Variants in AMZ2 observed in about 807,000 individuals in gnomAD.
AMZ2 encodes archaelysin family metallopeptidase 2.
Under a neutral mutation model 36.7 loss-of-function variants are expected in AMZ2, and 26 were observed. The ratio of observed to expected loss-of-function variants is 0.71; its 90% CI spans 0.52 to 0.98. The LOEUF is 0.98. AMZ2 is among the 50% of genes least tolerant of loss of function. The pLI, the probability that AMZ2 is intolerant of heterozygous loss-of-function variation, is 0.00. For synonymous variants in AMZ2, 144 were observed against 149.1 expected (o/e 0.97, Z 0.25); for missense variants, 394 against 430.5 (o/e 0.92, Z 0.75).
Position 68,248,245 on chromosome 17 carries a change from G to T in AMZ2, c.-461G>T, listed in dbSNP as rs1288630250. On this transcript the variant is annotated 5_prime_UTR_variant, in exon 1 of 7. Transcript: ENST00000359904. ...AGGAGGGGCGGACGTGGCGGAAGCCGCGGGGTCCGCGGGGTCGGTGCCTCT... is the reference window on the plus strand; with the variant it reads ...AGGAGGGGCGGACGTGGCGGAAGCCTCGGGGTCCGCGGGGTCGGTGCCTCT... The T allele has an allele frequency of 1.1e-4, 107 of 985,794 alleles. No individual in the cohort carries two copies. Among genetic ancestry groups the T allele is most frequent in the Admixed American group, 1.8e-4 (3 of 16,276 alleles). The allele number at this position is 985,794 out of a possible 1,614,324, so 61.1% of individuals were successfully genotyped here.
intron 1 of AMZ2, among the ~76,000 whole-genome samples, chr17:68,230,920 T>C (rs1370428767): frequency 6.6e-6 from 1 of 152,232 alleles, no homozygotes; most frequent in Non-Finnish European, 1.5e-5. Flanking sequence ...GTTATGCTCA[T>C]TTTTTATTGA....
At chr17:68,206,287 C>G (rs2072826786) in intron 1 of AMZ2, 29 of 1,281,468 alleles carry the variant, frequency 2.3e-5, no homozygotes, top group Non-Finnish European at 2.8e-5. Flanking sequence ...CCTCCTCTGC[C>G]CTCCCCCCTT....
In AMZ2 at chr17:68,254,547, T is replaced by G; in HGVS notation, c.730T>G (p.Leu244Val). Reference sequence around the variant, plus strand: ...TTATATTCCAGAAATAACTAGTGTTTTACTACTTCGATCCTGTAAGGTAAG... The same window carrying G: ...TTATATTCCAGAAATAACTAGTGTTGTACTACTTCGATCCTGTAAGGTAAG... ...NYYIPEITSV[L>V]LLRSCKTLTH... Residue 244 changes from leucine (L) to valine (V), a missense_variant, in exon 5 of 7, where the codon TTA becomes GTA. Leu to Val is a conservative substitution (Grantham distance 32). Coordinates refer to ENST00000359904, the MANE Select transcript of AMZ2 (RefSeq NM_016627.5). 6.2e-7 allele frequency: 1 copy of G among 1,612,168 alleles called. No individual in the cohort carries two copies. The highest frequency in any genetic ancestry group is 1.3e-5 in the African/African-American group (1 of 74,966).
intron 1 of AMZ2, among the ~76,000 whole-genome samples, chr17:68,210,948 CA>C (rs1359872021): frequency 2.4e-4 from 16 of 67,974 alleles, no homozygotes; most frequent in African/African-American, 6.6e-4. Flanking sequence ...GACCCTGTCT[CA>C]AAAAAAAAGG....
intron 5 of AMZ2, among the ~76,000 whole-genome samples, chr17:68,255,092 CTG>C: frequency 6.6e-6 from 1 of 152,274 alleles, no homozygotes; most frequent in East Asian, 1.9e-4. Context: ...CTGCTTTTAC[CTG>C]TACTATTTGT....
chr17:68,234,889 C>T (rs1599353284), intron 1 of AMZ2, among the ~76,000 whole-genome samples: 1 of 151,902 alleles, frequency 6.6e-6, no homozygotes, highest in Admixed American at 6.6e-5. Flanking sequence ...GCGGCGGGTG[C>T]CTGTAATCCC....
chr17:68,250,981 C>CTT lies in AMZ2; in HGVS notation c.457+16_457+17dup, dbSNP rs2074416039. The CTT allele has an allele frequency of 3.1e-6, 5 of 1,611,606 alleles. No homozygotes were observed. The highest frequency in any genetic ancestry group is 4.2e-6 in the Non-Finnish European group (5 of 1,179,416). On this transcript the variant is annotated intron_variant, in intron 3 of 6. Coordinates refer to ENST00000359904, the MANE Select transcript of AMZ2 (RefSeq NM_016627.5). ...AAATTCATGCAGGTGAATTACACGA[C>CTT]TTTGCAATTCGAACTGAGTATATGT... is the stretch of plus-strand genomic sequence containing the variant.
At chr17:68,222,882 A>G (rs1555728933) in intron 1 of AMZ2, among the ~76,000 whole-genome samples, 1 of 152,172 alleles carries the variant, frequency 6.6e-6, no homozygotes, top group Non-Finnish European at 1.5e-5. Flanking sequence ...CTATGGACCA[A>G]TACGGGTCTG....
At chr17:68,218,919 T>A (rs142078079) in intron 1 of AMZ2, among the ~76,000 whole-genome samples, 40 of 152,352 alleles carry the variant, frequency 2.6e-4, no homozygotes, top group African/African-American at 7.7e-4. Context: ...TACAAGCCAG[T>A]GTCATCTCGA....
In AMZ2 at chr17:68,255,768, A is replaced by G. The variant is rs1599446095; in HGVS notation, c.819A>G (p.Gln273=). 4 of 1,614,220 alleles carry G rather than the reference A, an allele frequency of 2.5e-6. No individual in the cohort carries two copies. Among genetic ancestry groups the G allele is most frequent in the Non-Finnish European group, 2.5e-6 (3 of 1,180,032 alleles). Residue 273 remains glutamine (Q), a synonymous_variant, in exon 6 of 7, where the codon CAA becomes CAG. Coordinates refer to ENST00000359904, the MANE Select transcript of AMZ2 (RefSeq NM_016627.5). ...RHCQWLACLM[Q]GSNHLEEADR... ...GCCAGTGGCTTGCATGCCTCATGCA[A>G]GGCTCCAACCACTTGGAAGAAGCTG...
At chr17:68,248,003 TGGCGTAAGG>T (rs1178379098), upstream of AMZ2, 15 of 985,664 alleles carry the variant, frequency 1.5e-5, no homozygotes, top group Non-Finnish European at 1.8e-5. Context: ...GCGCGGCGCG[TGGCGTAAGG>T]GGCGTGGCGC....
chr17:68,218,320 C>A (rs1555727801), intron 1 of AMZ2, among the ~76,000 whole-genome samples: 2 of 151,926 alleles, frequency 1.3e-5, no homozygotes, highest in Non-Finnish European at 2.9e-5. Flanking sequence ...CTGTCACTGT[C>A]CATTCTAAAT....
chr17:68,229,786 C>T (rs1245216466), intron 1 of AMZ2, among the ~76,000 whole-genome samples: 13 of 152,224 alleles, frequency 8.5e-5, no homozygotes, highest in African/African-American at 3.1e-4. Context: ...CTTCACCACC[C>T]CCATGTCAGG....
In AMZ2 at chr17:68,257,125, A is replaced by G. The variant is rs2074966301; in HGVS notation, c.*156A>G. 8 of 668,406 alleles carry G rather than the reference A, an allele frequency of 1.2e-5. No individual in the cohort carries two copies. Among genetic ancestry groups the G allele is most frequent in the Non-Finnish European group, 1.7e-5 (7 of 423,820 alleles). 41.4% of individuals were successfully genotyped at this position (668,406 alleles called of 1,614,324 possible). ...AAGTACCTGAATTGAAATGAAACTC[A>G]TTTTGAATAATAAAAACTCTAGAAA... On this transcript the variant is annotated 3_prime_UTR_variant, in exon 7 of 7. Transcript: ENST00000359904.
intron 1 of AMZ2, among the ~76,000 whole-genome samples, chr17:68,226,990 G>A (rs1301014256): frequency 1.8e-4 from 27 of 150,126 alleles, no homozygotes; most frequent in African/African-American, 5.7e-4. Context: ...GGCTGAGTTG[G>A]GATTTTGAAC....
intron 1 of AMZ2, among the ~76,000 whole-genome samples, chr17:68,219,190 C>T (rs1371491246): frequency 5.3e-5 from 8 of 152,170 alleles, no homozygotes; most frequent in Non-Finnish European, 1.0e-4. Flanking sequence ...TGGTCTTGAA[C>T]GCCTGACCTT....
At chr17:68,241,091 A>C (rs1230924750) in intron 1 of AMZ2, among the ~76,000 whole-genome samples, 1 of 152,214 alleles carries the variant, frequency 6.6e-6, no homozygotes, top group Non-Finnish European at 1.5e-5. Context: ...GCTATGCAGT[A>C]GGCCCATGGA....
chr17:68,243,103 C>G (rs1398723573), upstream of AMZ2, among the ~76,000 whole-genome samples: 3 of 151,116 alleles, frequency 2.0e-5, no homozygotes, highest in African/African-American at 7.3e-5. Context: ...TTTATTTCCC[C>G]TTAGCATTTC....
At chr17:68,241,370 T>C (rs1385256085) in intron 1 of AMZ2, among the ~76,000 whole-genome samples, 2 of 152,208 alleles carry the variant, frequency 1.3e-5, no homozygotes, top group Non-Finnish European at 2.9e-5. Context: ...TGCATAATTA[T>C]CATAATGTAA....
Sources: allele counts gnomAD v4.1 joint callset (sites outside exome capture counted in the v4.1 genomes callset), GRCh38; gene constraint gnomAD v4.1.1; transcripts MANE v1.5; gene names NCBI Gene and HGNC (gene_info 2026-07-23, HGNC 2026-07-21).